NOXA1: variants seen among roughly 807,000 people sequenced by gnomAD.
The protein encoded by NOXA1 is NADPH oxidase activator 1.
NOXA1 carries 56 observed loss-of-function variants against 64.8 expected under a neutral mutation model. The ratio of observed to expected loss-of-function variants is 0.86; its 90% confidence interval spans 0.70 to 1.08. The LOEUF (loss-of-function observed/expected upper bound fraction) is 1.08, where lower values mean the gene tolerates loss of function less well. Among genes scored for constraint, NOXA1 ranks in the 50% least tolerant of loss-of-function variants. The probability of loss-of-function intolerance (pLI) is 0.00; values close to 1 mark genes in which losing one functional copy is unlikely to be tolerated. For synonymous variants in NOXA1, 295 were observed against 294.8 expected (o/e 1.00, Z -0.01); for missense variants, 668 against 658.5 (o/e 1.01, Z -0.16).
chr9:137,428,262 A>T (rs959252174), intron 3 of NOXA1, 121 bp downstream of exon 3: 10 of 698,818 alleles, frequency 1.4e-5, no homozygotes, highest in Non-Finnish European at 2.2e-5. Context: ...GTGCCATGGA[A>T]TACCCTGGCC....
Position 137,429,276 on chromosome 9 carries a change from A to C in NOXA1, c.505A>C (p.Arg169=), listed in dbSNP as rs1343185764. The C allele has an allele frequency of 4.5e-6, 7 of 1,546,712 alleles. No individual in the cohort carries two copies. In the South Asian group the frequency reaches 7.2e-5, roughly 16 times the overall value. The change falls in exon 5 of 14, where the codon AGA becomes CGA. Residue 169 remains arginine (R), a splice_region_variant and synonymous_variant. Transcript: ENST00000683555. ...TCTGCTGGATACCCACCCCCTCCAG[A>C]GACGGGGCTCACTGCCGCCACGGCA... ...GLDSALDQVQ[R]RGSLPPRQVP...
chr9:137,425,728 C>T (rs67640500), intron 1 of NOXA1, among the ~76,000 whole-genome samples: 51,244 of 151,672 alleles, frequency 0.34, 9,099 homozygotes, highest in East Asian at 0.61. Flanking sequence ...ATCTGGACTG[C>T]GTTATCTCGT....
Position 137,433,800 on chromosome 9 carries a change from A to C in NOXA1, c.1115A>C (p.Glu372Ala), listed in dbSNP as rs1453858078. Residue 372 changes from glutamate to alanine, a missense_variant, in exon 12 of 14, where the codon GAG becomes GCG. Glu to Ala is a moderately radical substitution (Grantham distance 107). Coordinates refer to ENST00000683555, the MANE Select transcript of NOXA1 (RefSeq NM_001256067.2). The part of the protein sequence containing the change: ...DGHWVPIPEE[E>A]SLQRAWQDAA... ...CACTGGGTCCCCATCCCCGAGGAGGAGTCGCTGCAGAGGGCCTGGCAGGAC... is the reference window on the plus strand; with the variant it reads ...CACTGGGTCCCCATCCCCGAGGAGGCGTCGCTGCAGAGGGCCTGGCAGGAC... 2 of 1,453,572 alleles carry C rather than the reference A, an allele frequency of 1.4e-6. No individual in the cohort carries two copies. Among genetic ancestry groups the C allele is most frequent in the East Asian group, 2.5e-5 (1 of 40,032 alleles). 90.0% of individuals were successfully genotyped at this position (1,453,572 alleles called of 1,614,324 possible). A position where few individuals can be genotyped will look rare whatever the true frequency, so the allele number is the denominator to read the frequency against.
At chr9:137,425,538 G>A (rs544692907) in intron 1 of NOXA1, among the ~76,000 whole-genome samples, 23 of 152,160 alleles carry the variant, frequency 1.5e-4, no homozygotes, top group Middle Eastern at 6.8e-3. Flanking sequence ...GGCGCGTGCC[G>A]CCATGCCCAG....
rs1473994017 is a variant in NOXA1 at position 137,431,861 on chromosome 9, A to C, written c.804+520A>C. 6.6e-6 allele frequency among the ~76,000 whole-genome samples: 1 copy of C among 152,190 alleles called. No homozygotes were observed. Among genetic ancestry groups the C allele is most frequent in the Non-Finnish European group, 1.5e-5 (1 of 68,018 alleles). On this transcript the variant is annotated intron_variant, in intron 8 of 13. Coordinates refer to ENST00000683555, the MANE Select transcript of NOXA1 (RefSeq NM_001256067.2). This position sits in a 1 kb window ranked among gnomAD's most constrained non-coding sequence, Gnocchi z 5.6. ...CAGCCGTGGGCGGAGGCTCTGCTGC[A>C]GGATCCGGGAGGCCCAGAGAAGGCA... is the stretch of plus-strand genomic sequence containing the variant.
Position 137,430,826 on chromosome 9 carries a change from C to T in NOXA1, c.655C>T (p.Arg219Cys), listed in dbSNP as rs370316575. The T allele has an allele frequency of 4.8e-5, 77 of 1,589,516 alleles. 1 individual carries two copies. In the African/African-American group the frequency reaches 8.1e-4, roughly 17 times the overall value. The change falls in exon 6 of 14, where the codon CGC becomes TGC. Residue 219 changes from arginine to cysteine, a missense_variant. Coordinates refer to ENST00000683555, the MANE Select transcript of NOXA1 (RefSeq NM_001256067.2). ...AIPDDQGWGV[R>C]PQQPQGPGAN... ...CCCCGACGACCAGGGCTGGGGCGTC[C>T]GCCCTCAGCAGCCACAGGTGGGTTT...
intron 1 of NOXA1, 30 bp downstream of exon 1, chr9:137,423,736 G>T (rs1838683791): frequency 8.0e-7 from 1 of 1,243,598 alleles, no homozygotes; most frequent in South Asian, 3.0e-5. Flanking sequence ...GCCGGTGCGG[G>T]CGACGCCTCC....
At chr9:137,424,699 T>C (rs1838767815) in intron 1 of NOXA1, among the ~76,000 whole-genome samples, 3 of 152,158 alleles carry the variant, frequency 2.0e-5, no homozygotes, top group South Asian at 4.1e-4. Context: ...CGGCCACCCA[T>C]AGTGGTGGGA....
At position 137,431,255 on chromosome 9, in the gene NOXA1, C is replaced by T. The variant is rs200420287; in HGVS notation, c.718C>T (p.Pro240Ser). ...HDARSLIMDS[P>S]RAGTHQGPLD... ...CCCTAGGTCCCTAATCATGGACTCCCCAAGAGCTGGCACCCACCAGGGCCC... is the reference window on the plus strand; with the variant it reads ...CCCTAGGTCCCTAATCATGGACTCCTCAAGAGCTGGCACCCACCAGGGCCC... Residue 240 changes from proline to serine, a missense_variant, in exon 8 of 14, where the codon CCA becomes TCA. By Grantham distance (74) the Pro-to-Ser change is moderately conservative. Coordinates refer to ENST00000683555, the MANE Select transcript of NOXA1 (RefSeq NM_001256067.2). This position sits in a 1 kb window ranked among gnomAD's most constrained non-coding sequence, Gnocchi z 5.6. The T allele has an allele frequency of 9.3e-6, 15 of 1,612,846 alleles. No homozygotes were observed. Among genetic ancestry groups the T allele is most frequent in the Admixed American group, 1.7e-5 (1 of 60,016 alleles).
chr9:137,433,907 G>A (rs1300888822), intron 12 of NOXA1, 43 bp downstream of exon 12: 11 of 1,483,626 alleles, frequency 7.4e-6, no homozygotes, highest in East Asian at 5.0e-5. Context: ...CCTGAGGGGC[G>A]GTGGAGGCCC....
intron 2 of NOXA1, among the ~76,000 whole-genome samples, chr9:137,427,607 G>A (rs1394165718): frequency 3.9e-5 from 6 of 152,224 alleles, no homozygotes; most frequent in Admixed American, 6.5e-5. Context: ...CGGGAAGCCC[G>A]CCTGGAGGAG....
Position 137,429,023 on chromosome 9 carries a change from A to G in NOXA1, c.504+7A>G. On this transcript the variant is annotated splice_region_variant and intron_variant, in intron 4 of 13. Coordinates refer to ENST00000683555, the MANE Select transcript of NOXA1 (RefSeq NM_001256067.2). ...AGCCCTGGACCAAGTGCAGGTGAGG[A>G]GTGCCAGCCCGGTCATGGTTTTGGG... is the stretch of plus-strand genomic sequence containing the variant. 6.5e-7 allele frequency: 1 copy of G among 1,543,350 alleles called. No homozygotes were observed. The highest frequency in any genetic ancestry group is 2.0e-5 in the Admixed American group (1 of 49,998).
rs1196472760 is a variant in NOXA1 at position 137,434,305 on chromosome 9, G to A, written c.1376G>A (p.Arg459Gln). The change falls in exon 14 of 14, where the codon CGG (arginine) becomes CAG (glutamine). Residue 459 changes from arginine to glutamine, a missense_variant. Arg to Gln is a conservative substitution (Grantham distance 43). Transcript: ENST00000683555. The stretch of plus-strand genomic sequence containing the variant: ...TGCTTCGTGGTCCCCGCCGGCCCTC[G>A]GATGTCAGGAGCCCCCGGCCGCCTG... The part of the protein sequence containing the change: ...PKCFVVPAGP[R>Q]MSGAPGRLPR... 6.2e-6 allele frequency: 10 copies of A among 1,610,054 alleles called. No individual in the cohort carries two copies. Among genetic ancestry groups the A allele is most frequent in the African/African-American group, 2.7e-5 (2 of 74,880 alleles).
At position 137,426,243 on chromosome 9, in the gene NOXA1, C is replaced by T. The variant is rs1056962233; in HGVS notation, c.178-5C>T. On this transcript the variant is annotated splice_region_variant and splice_polypyrimidine_tract_variant and intron_variant, in intron 1 of 13. Coordinates refer to ENST00000683555, the MANE Select transcript of NOXA1 (RefSeq NM_001256067.2). ...TTGGCATCCCGTGGGCATTTTTGTC[C>T]CCAGGCATTTGACCAAGCCGTGACC... is the stretch of plus-strand genomic sequence containing the variant. 6 of 1,613,462 alleles carry T rather than the reference C, an allele frequency of 3.7e-6. No homozygotes were observed. The African/African-American group carries it at 6.7e-5, about 18-fold the overall frequency.
rs917699655 is a variant in NOXA1, at chr9:137,427,942, G to A, written c.261-91G>A. ...TCAGGTCTCCTTGGAACCAGGTGTT[G>A]GGGGCGGCTCGAGCGGGGCTGGTGT... On this transcript the variant is annotated intron_variant, in intron 2 of 13. Coordinates refer to ENST00000683555, the MANE Select transcript of NOXA1 (RefSeq NM_001256067.2). 2.2e-5 allele frequency: 18 copies of A among 828,882 alleles called. No individual in the cohort carries two copies. In the African/African-American group the frequency reaches 3.0e-4, roughly 14 times the overall value. The allele number at this position is 828,882 out of a possible 1,614,324, so 51.3% of individuals were successfully genotyped here.
chr9:137,431,379 G>T lies in NOXA1; in HGVS notation c.804+38G>T, dbSNP rs1206119606. 6.5e-7 allele frequency: 1 copy of T among 1,536,910 alleles called. No individual in the cohort carries two copies. On this transcript the variant is annotated intron_variant, in intron 8 of 13. Coordinates refer to ENST00000683555, the MANE Select transcript of NOXA1 (RefSeq NM_001256067.2). The surrounding 1 kb of genome is among the most constrained non-coding windows in gnomAD (Gnocchi z 5.6). The stretch of plus-strand genomic sequence containing the variant: ...GGGCCTCTTCCCCTGCTGGGGGTCG[G>T]TGCTTCTGCTGCCTCCGCAGACTGG...
rs1335593637 is a variant in NOXA1 at position 137,429,009 on chromosome 9, A to G, written c.497A>G (p.Gln166Arg). The part of the protein sequence containing the change: ...SLNGLDSALD[Q>R]VQRRGSLPPR... ...AATGGCCTGGACTCAGCCCTGGACCAAGTGCAGGTGAGGAGTGCCAGCCCG... is the reference window on the plus strand; with the variant it reads ...AATGGCCTGGACTCAGCCCTGGACCGAGTGCAGGTGAGGAGTGCCAGCCCG... Residue 166 changes from glutamine to arginine, a missense_variant, in exon 4 of 14, where the codon CAA (glutamine) becomes CGA (arginine). Gln to Arg is a conservative substitution (Grantham distance 43). Transcript: ENST00000683555. 8.3e-6 allele frequency: 13 copies of G among 1,567,930 alleles called. No individual in the cohort carries two copies. The highest frequency in any genetic ancestry group is 1.0e-5 in the Non-Finnish European group (12 of 1,154,770).
chr9:137,428,434 C>T (rs1329672243), intron 3 of NOXA1, among the ~76,000 whole-genome samples: 2 of 151,686 alleles, frequency 1.3e-5, no homozygotes, highest in Non-Finnish European at 2.9e-5. Context: ...CTCCACTGTG[C>T]CCCCAGCCCT....
intron 5 of NOXA1, among the ~76,000 whole-genome samples, chr9:137,429,919 C>T (rs1300219887): frequency 2.6e-5 from 3 of 115,172 alleles, no homozygotes; most frequent in African/African-American, 1.1e-4. Flanking sequence ...GTGCCTGCCA[C>T]AGATAGCGAG....
Sources: gnomAD v4.1 joint callset for allele counts (sites outside exome capture counted in the v4.1 genomes callset) on GRCh38, gnomAD v4.1.1 for gene constraint, Gnocchi (gnomAD v3.1) non-coding constraint, MANE v1.5 for transcripts, NCBI Gene and HGNC (gene_info 2026-07-23, HGNC 2026-07-21) for gene names.